The following ENPP6 variants were observed in gnomAD, a reference collection of about 807,000 sequenced individuals.
ENPP6 encodes the protein glycerophosphocholine cholinephosphodiesterase ENPP6.
ENPP6 carries 32 observed loss-of-function variants against 42.0 expected under a neutral mutation model. The observed-to-expected ratio is 0.76, with a 90% CI of 0.58 to 1.02. The LOEUF (loss-of-function observed/expected upper bound fraction) is 1.02. ENPP6 is among the 50% of genes least tolerant of loss of function. The probability of loss-of-function intolerance (pLI) is 0.00; values close to 1 mark genes in which losing one functional copy is unlikely to be tolerated. For synonymous variants in ENPP6, 213 were observed against 216.0 expected (o/e 0.99, Z 0.12); for missense variants, 552 against 566.8 (o/e 0.97, Z 0.27).
chr4:184,150,796 A>C (rs1470170846), intron 2 of ENPP6, among the ~76,000 whole-genome samples: 1 of 152,210 alleles, frequency 6.6e-6, no homozygotes, highest in Non-Finnish European at 1.5e-5. Flanking sequence ...GCAAATCTTC[A>C]TTTAGGTCAC....
At chr4:184,204,665 G>A (rs1732963325) in intron 1 of ENPP6, among the ~76,000 whole-genome samples, 1 of 152,142 alleles carries the variant, frequency 6.6e-6, no homozygotes, top group Non-Finnish European at 1.5e-5. Flanking sequence ...AGCTCTCCTT[G>A]GAGGTGACTC....
chr4:184,101,283 T>C (rs1005985490), intron 6 of ENPP6, among the ~76,000 whole-genome samples: 2 of 150,156 alleles, frequency 1.3e-5, no homozygotes, highest in African/African-American at 4.9e-5. Flanking sequence ...CACGTGTGTG[T>C]TAATGTTTAT....
chr4:184,105,733 T>C lies in ENPP6; in HGVS notation c.993+6939A>G, dbSNP rs560108210. Reference sequence around the variant, plus strand: ...AATATAAAATAACTTGATGTGTATGTCATTGAAACTTTTGGGAGGGCCATA... The same window carrying C: ...AATATAAAATAACTTGATGTGTATGCCATTGAAACTTTTGGGAGGGCCATA... On this transcript the variant is annotated intron_variant, in intron 6 of 7. Transcript: ENST00000296741. Among the ~76,000 whole-genome samples the C allele has an allele frequency of 8.6e-4, 131 of 152,332 alleles. 1 individual carries two copies. Among genetic ancestry groups the C allele is most frequent in the African/African-American group, 2.8e-3 (118 of 41,574 alleles).
chr4:184,186,107 T>A (rs1248722277), intron 1 of ENPP6, among the ~76,000 whole-genome samples: 1 of 152,226 alleles, frequency 6.6e-6, no homozygotes, highest in Non-Finnish European at 1.5e-5. Flanking sequence ...CCTTAACAAT[T>A]TGAGAAACTT....
At chr4:184,173,978 C>T (rs1737519837) in intron 1 of ENPP6, among the ~76,000 whole-genome samples, 1 of 152,082 alleles carries the variant, frequency 6.6e-6, no homozygotes, top group African/African-American at 2.4e-5. Context: ...GATCGTAATT[C>T]CCACAACTCT....
intron 2 of ENPP6, among the ~76,000 whole-genome samples, chr4:184,131,252 C>CCTTT (rs755358525): frequency 1.2e-5 from 1 of 81,002 alleles, no homozygotes; most frequent in African/African-American, 5.8e-5. Flanking sequence ...TTCTTTCTTT[C>CCTTT]TCTTTCTCTT....
At chr4:184,217,117 A>T (rs897552495) in intron 1 of ENPP6, 1 of 154,662 alleles carries the variant, frequency 6.5e-6, no homozygotes, top group African/African-American at 2.4e-5. Flanking sequence ...CCCTCTGAGG[A>T]CCCCACAGGT....
chr4:184,093,711 G>T (rs1366190650), intron 7 of ENPP6, among the ~76,000 whole-genome samples: 2 of 151,336 alleles, frequency 1.3e-5, no homozygotes, highest in Non-Finnish European at 2.9e-5. Flanking sequence ...AGAGGAGAAA[G>T]AAAGGGCTGC....
intron 1 of ENPP6, among the ~76,000 whole-genome samples, chr4:184,162,564 GAAGGAAGGAAGA>G (rs1737282751): frequency 1.4e-5 from 1 of 73,162 alleles, no homozygotes; most frequent in Non-Finnish European, 3.1e-5. Flanking sequence ...AGGAAAGAAG[GAAGGAAGGAAGA>G]AAGGAAGGAA....
intron 6 of ENPP6, among the ~76,000 whole-genome samples, chr4:184,102,617 G>C (rs1736024373): frequency 6.6e-6 from 1 of 152,216 alleles, no homozygotes. Context: ...TCCCGAGGTG[G>C]CTGGAGGGTT....
At position 184,147,790 on chromosome 4, in the gene ENPP6, G is replaced by A. The variant is rs958063076; in HGVS notation, c.421+5764C>T. ...CACTCTAGCCTGGGCAACAGAGAAA[G>A]ACCCTGTTTCAAAAAAAAAAAAAAA... On this transcript the variant is annotated intron_variant, in intron 2 of 7. Transcript: ENST00000296741. Among the ~76,000 whole-genome samples the A allele has an allele frequency of 9.3e-3, 938 of 101,402 alleles. 16 individuals are homozygous for A. The highest frequency in any genetic ancestry group is 0.03 in the African/African-American group (891 of 29,690). 66.5% of individuals were successfully genotyped at this position (101,402 alleles called of 152,430 possible). A position where few individuals can be genotyped will look rare whatever the true frequency, so the allele number is the denominator to read the frequency against.
At chr4:184,116,778 T>G in intron 5 of ENPP6, 78 bp downstream of exon 5, 1 of 1,534,668 alleles carries the variant, frequency 6.5e-7, no homozygotes, top group Non-Finnish European at 8.8e-7. Context: ...ACAAAAAAAC[T>G]ACAAGGAAAA....
intron 1 of ENPP6, among the ~76,000 whole-genome samples, chr4:184,163,768 C>T (rs1291122266): frequency 6.6e-6 from 1 of 152,190 alleles, no homozygotes; most frequent in African/African-American, 2.4e-5. Flanking sequence ...ATGTGTGTTT[C>T]CGTCAGGCGA....
At chr4:184,134,553 G>C (rs956407806) in intron 2 of ENPP6, among the ~76,000 whole-genome samples, 1 of 151,820 alleles carries the variant, frequency 6.6e-6, no homozygotes, top group Non-Finnish European at 1.5e-5. Context: ...GGCTTTTTAC[G>C]GTCTACAGGT....
intron 1 of ENPP6, among the ~76,000 whole-genome samples, chr4:184,167,512 C>G (rs1737371041): frequency 6.6e-6 from 1 of 152,164 alleles, no homozygotes; most frequent in South Asian, 2.1e-4. Flanking sequence ...TGATGGAACC[C>G]AGCTCTTAAG....
chr4:184,114,886 A>G lies in ENPP6; in HGVS notation c.855+1970T>C, dbSNP rs368722296. ...GCTCATGGGAACACTGCATAAACATATCCTGCACCTGCAGTCCCTGACCAT... is the reference window on the plus strand; with the variant it reads ...GCTCATGGGAACACTGCATAAACATGTCCTGCACCTGCAGTCCCTGACCAT... On this transcript the variant is annotated intron_variant, in intron 5 of 7. Coordinates refer to ENST00000296741, the MANE Select transcript of ENPP6 (RefSeq NM_153343.4). 1.1e-4 allele frequency among the ~76,000 whole-genome samples: 16 copies of G among 152,316 alleles called. No homozygotes were observed. The East Asian group carries it at 2.3e-3, about 22-fold the overall frequency.
At chr4:184,146,930 T>C (rs186172778) in intron 2 of ENPP6, among the ~76,000 whole-genome samples, 3 of 152,298 alleles carry the variant, frequency 2.0e-5, no homozygotes, top group Non-Finnish European at 4.4e-5. Flanking sequence ...CCCTTTTTTC[T>C]TTCCAGTTCT....
At chr4:184,126,771 G>A (rs577025749) in intron 2 of ENPP6, among the ~76,000 whole-genome samples, 106 of 152,274 alleles carry the variant, frequency 7.0e-4, no homozygotes, top group African/African-American at 2.3e-3. Context: ...TGACACTAGT[G>A]GAAAAATGAA....
chr4:184,211,928 TTCAATATACGCAAA>T (rs1733119973), intron 1 of ENPP6, among the ~76,000 whole-genome samples: 1 of 148,410 alleles, frequency 6.7e-6, no homozygotes, highest in Non-Finnish European at 1.5e-5. Flanking sequence ...GCAAGGCTGG[TTCAATATACGCAAA>T]TCAATAAATG....
Sources: allele counts gnomAD v4.1 joint callset (sites outside exome capture counted in the v4.1 genomes callset), GRCh38; gene constraint gnomAD v4.1.1; transcripts MANE v1.5; gene names NCBI Gene and HGNC (gene_info 2026-07-23, HGNC 2026-07-21).